Variants in FHIT observed in about 807,000 individuals in gnomAD.
FHIT encodes bis(5'-adenosyl)-triphosphatase.
A neutral mutation model predicts 17.9 loss-of-function variants in FHIT; 19 were observed. That is an observed-to-expected ratio of 1.06 (90% CI 0.74 to 1.56). FHIT has a LOEUF of 1.56. FHIT is among the 40% of genes most tolerant of loss of function. The pLI is 0.00. For synonymous variants in FHIT, 81 were observed against 69.7 expected (o/e 1.16, Z -0.81); for missense variants, 248 against 189.2 (o/e 1.31, Z -1.82).
At chr3:60,912,974 C>A (rs138187265) in intron 3 of FHIT, among the ~76,000 whole-genome samples, 8 of 152,280 alleles carry the variant, frequency 5.3e-5, no homozygotes, top group African/African-American at 1.9e-4. Context: ...AGGGCCACAG[C>A]TGGAGAACCT....
At chr3:61,162,813 C>G (rs2107101726) in intron 2 of FHIT, among the ~76,000 whole-genome samples, 1 of 152,292 alleles carries the variant, frequency 6.6e-6, no homozygotes, top group African/African-American at 2.4e-5. Context: ...CTACCCCACC[C>G]TCAGAAACCA....
At chr3:60,574,079 G>C (rs890986315) in intron 4 of FHIT, among the ~76,000 whole-genome samples, 2 of 152,072 alleles carry the variant, frequency 1.3e-5, no homozygotes, top group East Asian at 3.9e-4. Flanking sequence ...CAAAGTGCTG[G>C]CATTACAGAC....
intron 2 of FHIT, among the ~76,000 whole-genome samples, chr3:61,128,713 A>G (rs1423859627): frequency 6.6e-6 from 1 of 152,204 alleles, no homozygotes; most frequent in African/African-American, 2.4e-5. Flanking sequence ...AAGATTGAAA[A>G]GAATAATAAA....
intron 5 of FHIT, among the ~76,000 whole-genome samples, chr3:60,339,541 C>T (rs191654387): frequency 1.1e-4 from 17 of 152,214 alleles, no homozygotes; most frequent in East Asian, 7.7e-4. Context: ...GTCAGAGGGA[C>T]GCGAGCCGAT....
intron 8 of FHIT, among the ~76,000 whole-genome samples, chr3:59,882,420 T>C (rs1295660160): frequency 2.0e-5 from 3 of 152,170 alleles, no homozygotes; most frequent in Non-Finnish European, 4.4e-5. Context: ...GAGATCGTTA[T>C]AGCACCTTGT....
intron 4 of FHIT, among the ~76,000 whole-genome samples, chr3:60,776,694 A>C (rs1700226636): frequency 6.6e-6 from 1 of 152,252 alleles, no homozygotes; most frequent in Non-Finnish European, 1.5e-5. Flanking sequence ...AACAAGTTTT[A>C]GTTTACAGTT....
chr3:60,061,584 G>C (rs553996252), intron 5 of FHIT, among the ~76,000 whole-genome samples: 1 of 152,276 alleles, frequency 6.6e-6, no homozygotes, highest in East Asian at 1.9e-4. Flanking sequence ...TATTGCAGCT[G>C]AATGTAAATT....
chr3:59,785,336 A>G (rs1329244374), intron 8 of FHIT, among the ~76,000 whole-genome samples: 2 of 140,212 alleles, frequency 1.4e-5, no homozygotes, highest in African/African-American at 2.7e-5. Context: ...TTGAGATAGT[A>G]TCTCACTCTG....
intron 5 of FHIT, among the ~76,000 whole-genome samples, chr3:60,067,539 T>C (rs1702569919): frequency 6.8e-6 from 1 of 147,364 alleles, no homozygotes; most frequent in Non-Finnish European, 1.5e-5. Flanking sequence ...AAGGGCTTGC[T>C]AGTCATATTT....
chr3:59,975,814 T>C (rs972998491), intron 7 of FHIT, among the ~76,000 whole-genome samples: 2 of 152,042 alleles, frequency 1.3e-5, no homozygotes, highest in Non-Finnish European at 2.9e-5. Context: ...GGCAACGAAC[T>C]GTAGTAAGCC....
chr3:60,731,292 A>G (rs1208118565), intron 4 of FHIT, among the ~76,000 whole-genome samples: 7 of 152,200 alleles, frequency 4.6e-5, no homozygotes, highest in Admixed American at 4.6e-4. Flanking sequence ...AAAGAGTTCA[A>G]CCAAGGGGCA....
At chr3:60,638,276 G>A (rs527339347) in intron 4 of FHIT, among the ~76,000 whole-genome samples, 3 of 152,248 alleles carry the variant, frequency 2.0e-5, no homozygotes, top group South Asian at 4.1e-4. Context: ...AATAAAAGCA[G>A]GAGGAATGAC....
intron 4 of FHIT, among the ~76,000 whole-genome samples, chr3:60,538,957 A>C (rs62251668): frequency 0.13 from 19,304 of 151,952 alleles, 1,347 homozygotes; most frequent in East Asian, 0.29. Context: ...TAATTAAACT[A>C]AAGAGCTTCT....
At chr3:60,035,227 C>T (rs550218416) in intron 5 of FHIT, among the ~76,000 whole-genome samples, 5 of 152,122 alleles carry the variant, frequency 3.3e-5, no homozygotes, top group Non-Finnish European at 7.4e-5. Context: ...CAGACCGCCA[C>T]GTGGGTTTCA....
At chr3:60,193,852 G>T (rs1336348797) in intron 5 of FHIT, among the ~76,000 whole-genome samples, 1 of 152,140 alleles carries the variant, frequency 6.6e-6, no homozygotes, top group African/African-American at 2.4e-5. Context: ...CAGCCAAAGT[G>T]GTTCAGGAAA....
chr3:60,927,113 C>A (rs1180859193), intron 3 of FHIT, among the ~76,000 whole-genome samples: 1 of 152,204 alleles, frequency 6.6e-6, no homozygotes, highest in Admixed American at 6.5e-5. Context: ...GATTCTCCTG[C>A]CTCAGCCTGC....
intron 5 of FHIT, among the ~76,000 whole-genome samples, chr3:60,222,826 G>A (rs188699265): frequency 3.3e-5 from 5 of 152,156 alleles, no homozygotes; most frequent in Admixed American, 6.5e-5. Context: ...GCTTGAACTC[G>A]GGAGGCAGAG....
At chr3:60,086,941 C>G (rs1348149151) in intron 5 of FHIT, among the ~76,000 whole-genome samples, 1 of 152,232 alleles carries the variant, frequency 6.6e-6, no homozygotes, top group Non-Finnish European at 1.5e-5. Flanking sequence ...GATAGAGATT[C>G]TGTGGTGGCT....
At chr3:60,927,948 T>C (rs778974807) in intron 3 of FHIT, among the ~76,000 whole-genome samples, 2 of 152,230 alleles carry the variant, frequency 1.3e-5, no homozygotes, top group African/African-American at 2.4e-5. Flanking sequence ...GGAGACTCCA[T>C]TTCGTTTTGT....
Sources: gnomAD v4.1 joint callset for allele counts (sites outside exome capture counted in the v4.1 genomes callset) on GRCh38, gnomAD v4.1.1 for gene constraint, MANE v1.5 for transcripts, NCBI Gene and HGNC (gene_info 2026-07-23, HGNC 2026-07-21) for gene names.